The following HPSE2 variants were observed in gnomAD, a reference collection of about 807,000 sequenced individuals.
HPSE2 encodes the protein heparanase 2 (inactive).
Under a neutral mutation model 60.5 loss-of-function variants are expected in HPSE2, and 38 were observed. That is an observed-to-expected ratio of 0.63 (90% CI 0.48 to 0.82). The LOEUF is 0.82. Among genes scored for constraint, HPSE2 ranks in the 40% least tolerant of loss-of-function variants. HPSE2 has a pLI of 0.00. For synonymous variants in HPSE2, 295 were observed against 293.2 expected, an observed-to-expected ratio of 1.01 and a Z score of -0.06; for missense variants, 713 against 740.4, an observed-to-expected ratio of 0.96 and a Z score of 0.43.
chr10:99,151,869 C>A (rs1463849173), intron 2 of HPSE2, among the ~76,000 whole-genome samples: 1 of 152,158 alleles, frequency 6.6e-6, no homozygotes, highest in African/African-American at 2.4e-5. Context: ...TTACCTATAA[C>A]TGCACCACTG....
intron 7 of HPSE2, among the ~76,000 whole-genome samples, chr10:98,626,918 T>G (rs1946230451): frequency 6.6e-6 from 1 of 152,038 alleles, no homozygotes; most frequent in Admixed American, 6.6e-5. Context: ...AGACTACAGG[T>G]GCCCACCACC....
chr10:98,818,845 C>G (rs74154346), intron 3 of HPSE2, among the ~76,000 whole-genome samples: 2,025 of 152,276 alleles, frequency 0.013, 54 homozygotes, highest in African/African-American at 0.046. Flanking sequence ...GATGATCTTA[C>G]AATTCTAAAT....
chr10:99,229,184 A>G (rs990209306), intron 2 of HPSE2, among the ~76,000 whole-genome samples: 1 of 152,142 alleles, frequency 6.6e-6, no homozygotes, highest in Non-Finnish European at 1.5e-5. Context: ...AAAAAAAAAA[A>G]AAAACTTATC....
intron 3 of HPSE2, among the ~76,000 whole-genome samples, chr10:98,886,634 T>C (rs1316235409): frequency 6.6e-6 from 1 of 152,084 alleles, no homozygotes; most frequent in African/African-American, 2.4e-5. Context: ...GATTCACTGA[T>C]TCAACAAAGA....
intron 3 of HPSE2, among the ~76,000 whole-genome samples, chr10:99,055,061 C>G (rs1407830244): frequency 6.6e-6 from 1 of 151,968 alleles, no homozygotes; most frequent in Non-Finnish European, 1.5e-5. Context: ...TAAAAATTCA[C>G]CAGATACATA....
At chr10:98,962,318 G>A (rs1447076204) in intron 3 of HPSE2, among the ~76,000 whole-genome samples, 5 of 144,308 alleles carry the variant, frequency 3.5e-5, no homozygotes, top group Non-Finnish European at 4.5e-5. Context: ...CATTGAATCT[G>A]TAAATTACCT....
chr10:98,472,525 A>AT (rs1303734604), intron 11 of HPSE2, among the ~76,000 whole-genome samples: 1 of 151,940 alleles, frequency 6.6e-6, no homozygotes, highest in Non-Finnish European at 1.5e-5. Flanking sequence ...AAATTATCCT[A>AT]TTTTTTCCTG....
In HPSE2 at chr10:98,831,036, G is replaced by A. The variant is rs537208392; in HGVS notation, c.611-86980C>T. ...TGCTCCAGATGTTAACATCTAGATT[G>A]TTTGTTTTTCATTCTCCACCCCTCT... On this transcript the variant is annotated intron_variant, in intron 3 of 11. Transcript: ENST00000370552. 9.9e-5 allele frequency among the ~76,000 whole-genome samples: 15 copies of A among 152,242 alleles called. 1 individual carries two copies. In the South Asian group the frequency reaches 3.1e-3, roughly 32 times the overall value.
chr10:98,631,756 G>C (rs1360281976), intron 7 of HPSE2, among the ~76,000 whole-genome samples: 1 of 152,194 alleles, frequency 6.6e-6, no homozygotes, highest in African/African-American at 2.4e-5. Context: ...AAGAGCCTGT[G>C]CATATGAAAC....
chr10:98,658,912 G>GTT (rs11358600), intron 6 of HPSE2, among the ~76,000 whole-genome samples: 6 of 140,214 alleles, frequency 4.3e-5, no homozygotes, highest in Admixed American at 7.1e-5. Context: ...TACTGGCAGA[G>GTT]TTTTTTTTTT....
chr10:98,568,354 T>C (rs1944404199), intron 9 of HPSE2, among the ~76,000 whole-genome samples: 1 of 152,188 alleles, frequency 6.6e-6, no homozygotes, highest in Non-Finnish European at 1.5e-5. Flanking sequence ...CCATATCTAC[T>C]TCATAGGTCT....
intron 3 of HPSE2, among the ~76,000 whole-genome samples, chr10:98,953,391 C>T (rs1955422825): frequency 6.6e-6 from 1 of 152,150 alleles, no homozygotes; most frequent in African/African-American, 2.4e-5. Flanking sequence ...CTTATCAATG[C>T]CAGCTTACCT....
chr10:98,581,332 TAATGATCAAAACC>T (rs1944792440), intron 9 of HPSE2, among the ~76,000 whole-genome samples: 1 of 152,164 alleles, frequency 6.6e-6, no homozygotes, highest in Admixed American at 6.5e-5. Context: ...CTTTTCTTCT[TAATGATCAAAACC>T]AATTTTTACC....
At chr10:98,774,449 T>G (rs775941800) in intron 3 of HPSE2, among the ~76,000 whole-genome samples, 14 of 152,182 alleles carry the variant, frequency 9.2e-5, no homozygotes, top group Non-Finnish European at 1.8e-4. Context: ...CTCTCTTGCT[T>G]CTTGGGACTT....
At chr10:99,198,848 C>CCTCTT (rs1451521399) in intron 2 of HPSE2, among the ~76,000 whole-genome samples, 1 of 152,092 alleles carries the variant, frequency 6.6e-6, no homozygotes, top group Non-Finnish European at 1.5e-5. Context: ...TTCCCATTTT[C>CCTCTT]CTCTTCTCCC....
At chr10:98,887,017 T>G (rs1953184511) in intron 3 of HPSE2, among the ~76,000 whole-genome samples, 1 of 152,118 alleles carries the variant, frequency 6.6e-6, no homozygotes, top group Non-Finnish European at 1.5e-5. Context: ...CTCTGTAAAT[T>G]TATAGAGATA....
chr10:98,997,179 C>T (rs903702525), intron 3 of HPSE2, among the ~76,000 whole-genome samples: 20 of 138,946 alleles, frequency 1.4e-4, no homozygotes, highest in Non-Finnish European at 3.0e-4. Context: ...GTGGAGCGAT[C>T]TCAGCTCACT....
chr10:99,293,291 A>C, the HPSE2 span, among the ~76,000 whole-genome samples: 8 of 152,354 alleles, frequency 5.3e-5, 1 homozygote, highest in East Asian at 1.5e-3. Flanking sequence ...CAAATGGTAT[A>C]AGTTAGAACT....
intron 4 of HPSE2, among the ~76,000 whole-genome samples, chr10:98,738,722 C>T (rs189024171): frequency 8.5e-4 from 130 of 152,224 alleles, no homozygotes; most frequent in African/African-American, 2.4e-3. Context: ...TATGAAAAAA[C>T]GCTCATCATC....
Sources: gnomAD v4.1 joint callset for allele counts (sites outside exome capture counted in the v4.1 genomes callset) on GRCh38, gnomAD v4.1.1 for gene constraint, MANE v1.5 for transcripts, NCBI Gene and HGNC (gene_info 2026-07-23, HGNC 2026-07-21) for gene names.